Variants in ZDHHC17 observed in about 807,000 individuals in gnomAD.
ZDHHC17 encodes the protein zDHHC palmitoyltransferase 17.
In ZDHHC17, 40 loss-of-function variants were observed where a neutral mutation model predicts 90.3. The observed-to-expected ratio is 0.44, with a 90% CI of 0.34 to 0.58. The LOEUF (loss-of-function observed/expected upper bound fraction) is 0.58, where lower values mean the gene tolerates loss of function less well. Ranked by LOEUF, ZDHHC17 falls within the 20% of genes least tolerant of loss-of-function variation. The pLI is 0.01. For missense variants in ZDHHC17, 614 were observed against 780.8 expected (o/e 0.79, Z 2.55); for synonymous variants, 235 against 252.4 (o/e 0.93, Z 0.65).
intron 7 of ZDHHC17, among the ~76,000 whole-genome samples, chr12:76,820,598 T>C (rs1477746): frequency 0.61 from 92,372 of 151,988 alleles, 28,143 homozygotes; most frequent in East Asian, 0.67. Context: ...ATTAATGTAT[T>C]GAAAGACCTC....
intron 2 of ZDHHC17, 71 bp downstream of exon 2, chr12:76,797,608 C>A: frequency 8.2e-7 from 1 of 1,224,700 alleles, no homozygotes. Flanking sequence ...GAATAACAGT[C>A]ATATTACTTT....
At chr12:76,775,632 C>T (rs1289800828) in intron 1 of ZDHHC17, among the ~76,000 whole-genome samples, 1 of 152,104 alleles carries the variant, frequency 6.6e-6, no homozygotes, top group Non-Finnish European at 1.5e-5. Context: ...TATTTTCTTT[C>T]TTAGTGGTAC....
At chr12:76,830,730 G>GA (rs1438959640) in intron 10 of ZDHHC17, among the ~76,000 whole-genome samples, 11 of 152,072 alleles carry the variant, frequency 7.2e-5, no homozygotes, top group African/African-American at 2.7e-4. Context: ...TATGTTTGAG[G>GA]AAAAAACTCA....
Position 76,853,223 on chromosome 12 carries a change from C to G in ZDHHC17, c.*2238C>G, listed in dbSNP as rs1437032902. 6.6e-6 allele frequency: 1 copy of G among 152,216 alleles called. No individual in the cohort carries two copies. The highest frequency in any genetic ancestry group is 1.5e-5 in the Non-Finnish European group (1 of 67,994). 9.4% of individuals were successfully genotyped at this position (152,216 alleles called of 1,614,324 possible). A position where few individuals can be genotyped will look rare whatever the true frequency, so the allele number is the denominator to read the frequency against. ...TGTAGTACCTGTGAAATCTATAACT[C>G]AGAAATGGTCAGATGGTCAGGAGCC... On this transcript the variant is annotated 3_prime_UTR_variant, in exon 17 of 17. Coordinates refer to ENST00000426126, the MANE Select transcript of ZDHHC17 (RefSeq NM_015336.4).
intron 12 of ZDHHC17, 25 bp from the exon 13 acceptor site, chr12:76,845,683 TA>T: frequency 1.5e-6 from 2 of 1,322,202 alleles, no homozygotes; most frequent in Non-Finnish European, 1.1e-6. Context: ...ATGCCTTTCA[TA>T]ATCCTTTAAC....
chr12:76,817,263 G>T (rs1396685075), intron 7 of ZDHHC17, among the ~76,000 whole-genome samples: 2 of 152,032 alleles, frequency 1.3e-5, no homozygotes, highest in African/African-American at 4.8e-5. Flanking sequence ...AGAGAAGTTT[G>T]ACTAAACCTG....
chr12:76,845,939 C>A, intron 13 of ZDHHC17, 137 bp downstream of exon 13: 1 of 469,466 alleles, frequency 2.1e-6, no homozygotes, highest in Non-Finnish European at 3.8e-6. Flanking sequence ...TGGTTGACAA[C>A]ACAGCAACTC....
Position 76,823,744 on chromosome 12 carries a change from C to T in ZDHHC17, c.897+1213C>T, listed in dbSNP as rs187915844. Among the ~76,000 whole-genome samples the T allele has an allele frequency of 1.3e-4, 20 of 152,144 alleles. No individual in the cohort carries two copies. The East Asian group carries it at 2.3e-3, about 18-fold the overall frequency. On this transcript the variant is annotated intron_variant, in intron 8 of 16. Coordinates refer to ENST00000426126, the MANE Select transcript of ZDHHC17 (RefSeq NM_015336.4). ...CCTCCTTTATTTATAGGAGTTTGGA[C>T]TTCTTTAATCAGTTGAAAAGTCCCC...
At chr12:76,783,924 C>CT (rs1189664524) in intron 1 of ZDHHC17, among the ~76,000 whole-genome samples, 1 of 152,198 alleles carries the variant, frequency 6.6e-6, no homozygotes, top group Admixed American at 6.5e-5. Context: ...TGCCAGAGGG[C>CT]TAGAAGAGGC....
chr12:76,848,666 CATTA>C (rs1236362675), intron 15 of ZDHHC17, among the ~76,000 whole-genome samples: 12 of 152,072 alleles, frequency 7.9e-5, no homozygotes, highest in Non-Finnish European at 1.6e-4. Context: ...TTGATGATGA[CATTA>C]ATTTTGTGTT....
At chr12:76,801,377 G>A (rs905073173) in intron 2 of ZDHHC17, among the ~76,000 whole-genome samples, 2 of 151,696 alleles carry the variant, frequency 1.3e-5, no homozygotes, top group African/African-American at 2.4e-5. Context: ...AGTTGGGCCG[G>A]GCACGGTGGC....
chr12:76,805,488 T>G, intron 3 of ZDHHC17, 49 bp downstream of exon 3: 1 of 1,350,234 alleles, frequency 7.4e-7, no homozygotes, highest in Non-Finnish European at 1.0e-6. Flanking sequence ...TTTTTATGGT[T>G]ATAAAATTAA....
chr12:76,782,886 A>G (rs1952642890), intron 1 of ZDHHC17, among the ~76,000 whole-genome samples: 1 of 151,972 alleles, frequency 6.6e-6, no homozygotes. Flanking sequence ...CCAAGAGAAG[A>G]CATCAGGGGC....
chr12:76,807,914 A>G (rs1474716263), intron 3 of ZDHHC17, among the ~76,000 whole-genome samples: 3 of 152,170 alleles, frequency 2.0e-5, no homozygotes, highest in Admixed American at 2.0e-4. Context: ...CATTATATAT[A>G]ATGTTTACCA....
intron 1 of ZDHHC17, among the ~76,000 whole-genome samples, chr12:76,786,866 C>T (rs924004484): frequency 8.5e-5 from 13 of 152,168 alleles, no homozygotes; most frequent in African/African-American, 1.4e-4. Flanking sequence ...GATTGATCTC[C>T]GTTGCCTGCT....
chr12:76,779,164 ATTAT>A (rs1400452760), intron 1 of ZDHHC17, among the ~76,000 whole-genome samples: 3 of 151,976 alleles, frequency 2.0e-5, no homozygotes, highest in Non-Finnish European at 2.9e-5. Flanking sequence ...TTCCTAGTTG[ATTAT>A]TTATTTTACT....
At chr12:76,778,767 G>GT (rs1952590896) in intron 1 of ZDHHC17, among the ~76,000 whole-genome samples, 1 of 152,152 alleles carries the variant, frequency 6.6e-6, no homozygotes, top group Non-Finnish European at 1.5e-5. Context: ...GTTTGGTGAA[G>GT]TGTCTCTTCA....
In ZDHHC17 at chr12:76,821,141, G is replaced by A. The variant is rs1247361378; in HGVS notation, c.772-1265G>A. The A allele has an allele frequency of 3.1e-6, 4 of 1,283,314 alleles. No homozygotes were observed. The East Asian group carries it at 2.2e-4, about 72-fold the overall frequency. The allele number at this position is 1,283,314 out of a possible 1,614,324, so 79.5% of individuals were successfully genotyped here. A position where few individuals can be genotyped will look rare whatever the true frequency, so the allele number is the denominator to read the frequency against. ...AACTGCAGGATATTCCCGGGGAGTT[G>A]TTACCCAAGGGATTGCTTTTATTCA... On this transcript the variant is annotated intron_variant, in intron 7 of 16. Coordinates refer to ENST00000426126, the MANE Select transcript of ZDHHC17 (RefSeq NM_015336.4).
At chr12:76,814,088 C>T (rs746463048) in intron 5 of ZDHHC17, among the ~76,000 whole-genome samples, 6 of 151,934 alleles carry the variant, frequency 3.9e-5, no homozygotes, top group Non-Finnish European at 2.9e-5. Flanking sequence ...GTTAATGAGA[C>T]ACACATTTCA....
Sources: gnomAD v4.1 joint callset for allele counts (sites outside exome capture counted in the v4.1 genomes callset) on GRCh38, gnomAD v4.1.1 for gene constraint, MANE v1.5 for transcripts, NCBI Gene and HGNC (gene_info 2026-07-23, HGNC 2026-07-21) for gene names.